COL6A6: variants seen among roughly 807,000 people sequenced by gnomAD.
COL6A6 encodes the protein collagen type VI alpha 6 chain.
A neutral mutation model predicts 208.6 loss-of-function variants in COL6A6; 183 were observed. That is an observed-to-expected ratio of 0.88 (90% CI 0.78 to 0.99). The LOEUF is 0.99. Ranked by LOEUF, COL6A6 falls within the 50% of genes least tolerant of loss-of-function variation. COL6A6 has a pLI of 0.00. For synonymous variants in COL6A6, 973 were observed against 1,011.8 expected (o/e 0.96, Z 0.73); for missense variants, 2,816 against 2,815.2 (o/e 1.00, Z -0.01).
chr3:130,558,834 G>A (rs2062822077), intron 1 of COL6A6, among the ~76,000 whole-genome samples: 1 of 152,194 alleles, frequency 6.6e-6, no homozygotes, highest in African/African-American at 2.4e-5. Context: ...GAAAAAAGAT[G>A]TAGAATGAAG....
At chr3:130,577,104 G>A (rs2063315622) in intron 8 of COL6A6, among the ~76,000 whole-genome samples, 1 of 152,154 alleles carries the variant, frequency 6.6e-6, no homozygotes, top group Non-Finnish European at 1.5e-5. Context: ...TATTTTTTGA[G>A]CATCTACGAA....
At chr3:130,520,031 G>T (rs77933439) in intron 1 of COL6A6, among the ~76,000 whole-genome samples, 2,441 of 152,306 alleles carry the variant, frequency 0.016, 57 homozygotes, top group African/African-American at 0.056. Flanking sequence ...CTGGCATGCT[G>T]CTATCCTGGA....
intron 36 of COL6A6, among the ~76,000 whole-genome samples, chr3:130,672,583 A>G (rs1337267754): frequency 2.0e-5 from 3 of 151,842 alleles, no homozygotes; most frequent in Non-Finnish European, 2.9e-5. Flanking sequence ...TTGTATTTTT[A>G]GCAGAGACAG....
chr3:130,618,326 A>G (rs548466923), intron 23 of COL6A6, among the ~76,000 whole-genome samples: 195 of 152,346 alleles, frequency 1.3e-3, no homozygotes, highest in African/African-American at 4.4e-3. Flanking sequence ...GGGGTTAATA[A>G]CAGGCATCTC....
intron 20 of COL6A6, among the ~76,000 whole-genome samples, chr3:130,604,759 GA>G (rs1355308156): frequency 1.3e-5 from 2 of 152,196 alleles, no homozygotes; most frequent in Admixed American, 1.3e-4. Context: ...GACAAAAGGG[GA>G]AAAAATGTTT....
chr3:130,598,704 A>G (rs1352327522), intron 19 of COL6A6, among the ~76,000 whole-genome samples: 1 of 152,230 alleles, frequency 6.6e-6, no homozygotes, highest in Non-Finnish European at 1.5e-5. Flanking sequence ...TGGAACTCTA[A>G]CTTAAAATAT....
At chr3:130,626,225 A>G (rs1478410573) in intron 24 of COL6A6, among the ~76,000 whole-genome samples, 2 of 152,240 alleles carry the variant, frequency 1.3e-5, no homozygotes, top group Non-Finnish European at 2.9e-5. Context: ...AAAACAGTAT[A>G]GAGCTTTTCT....
At chr3:130,560,542 T>C (rs2062859826) in intron 2 of COL6A6, 114 bp downstream of exon 2, 2 of 872,158 alleles carry the variant, frequency 2.3e-6, no homozygotes, top group Non-Finnish European at 3.5e-6. Flanking sequence ...ATTTTGATGG[T>C]AGTGAGATTA....
chr3:130,616,717 A>G (rs1280988085), intron 23 of COL6A6, among the ~76,000 whole-genome samples: 1 of 152,096 alleles, frequency 6.6e-6, no homozygotes, highest in Non-Finnish European at 1.5e-5. Flanking sequence ...TGGAGTCCGG[A>G]GTAGAATTTC....
chr3:130,645,013 T>C lies in COL6A6; in HGVS notation c.5239+11T>C. 2 of 1,610,814 alleles carry C rather than the reference T, an allele frequency of 1.2e-6. No homozygotes were observed. Among genetic ancestry groups the C allele is most frequent in the South Asian group, 2.2e-5 (2 of 91,038 alleles). On this transcript the variant is annotated intron_variant, in intron 32 of 36. Coordinates refer to ENST00000358511, the MANE Select transcript of COL6A6 (RefSeq NM_001102608.3). ...CAGCTGGCAGGCATGGTGAGTAATC[T>C]TTATTTACAGCATGCTTTAATCAAG... is the stretch of plus-strand genomic sequence containing the variant.
chr3:130,517,122 G>C (rs1291850307), upstream of COL6A6, among the ~76,000 whole-genome samples: 1 of 152,160 alleles, frequency 6.6e-6, no homozygotes, highest in Admixed American at 6.5e-5. Flanking sequence ...GGCGGGGAAG[G>C]GTCGGGCCCG....
intron 4 of COL6A6, among the ~76,000 whole-genome samples, chr3:130,566,294 A>C (rs1250699217): frequency 6.6e-6 from 1 of 152,194 alleles, no homozygotes; most frequent in Non-Finnish European, 1.5e-5. Context: ...GGAGTAAATA[A>C]TTTGCTCAAG....
chr3:130,541,344 A>G (rs1009494715), intron 1 of COL6A6, among the ~76,000 whole-genome samples: 5 of 152,200 alleles, frequency 3.3e-5, no homozygotes, highest in Non-Finnish European at 7.3e-5. Context: ...AGTGCTGAAT[A>G]CTATTCCAAT....
intron 33 of COL6A6, among the ~76,000 whole-genome samples, chr3:130,657,581 A>C (rs767717214): frequency 6.6e-6 from 1 of 152,176 alleles, no homozygotes; most frequent in Non-Finnish European, 1.5e-5. Context: ...TTAAAACAAC[A>C]ACAACAACAA....
intron 24 of COL6A6, among the ~76,000 whole-genome samples, chr3:130,625,796 C>T (rs564279246): frequency 2.6e-4 from 39 of 152,184 alleles, no homozygotes; most frequent in African/African-American, 8.7e-4. Context: ...AGTATTGATT[C>T]GGTTGTGACA....
intron 3 of COL6A6, among the ~76,000 whole-genome samples, chr3:130,563,869 C>A (rs112908215): frequency 6.6e-6 from 1 of 152,212 alleles, no homozygotes; most frequent in African/African-American, 2.4e-5. Context: ...TCATGTTTCA[C>A]TTATCTGTGT....
At chr3:130,672,496 G>A (rs1397284093) in intron 36 of COL6A6, among the ~76,000 whole-genome samples, 7 of 151,158 alleles carry the variant, frequency 4.6e-5, no homozygotes, top group African/African-American at 7.3e-5. Flanking sequence ...TCTGCCTCCC[G>A]GGTTCAAGCG....
intron 1 of COL6A6, among the ~76,000 whole-genome samples, chr3:130,547,280 C>A (rs577089094): frequency 1.8e-4 from 27 of 152,390 alleles, no homozygotes; most frequent in Non-Finnish European, 3.7e-4. Context: ...GACCCAGCGC[C>A]CCCTCTGCAG....
chr3:130,571,254 G>A lies in COL6A6; in HGVS notation c.2838G>A (p.Val946=), dbSNP rs1335228486. 6.2e-7 allele frequency: 1 copy of A among 1,614,066 alleles called. No homozygotes were observed. The highest frequency in any genetic ancestry group is 1.7e-5 in the Admixed American group (1 of 60,028). The change falls in exon 7 of 37, where the codon GTG becomes GTA. Residue 946 remains valine, a synonymous_variant. Coordinates refer to ENST00000358511, the MANE Select transcript of COL6A6 (RefSeq NM_001102608.3). The part of the protein sequence containing the change: ...LRDKGILVLA[V]GIDGANPVEL... Reference sequence around the variant, plus strand: ...ACAAAGGCATTCTTGTCCTGGCTGTGGGGATTGATGGTGCCAATCCCGTGG... The same window carrying A: ...ACAAAGGCATTCTTGTCCTGGCTGTAGGGATTGATGGTGCCAATCCCGTGG...
Sources: allele counts gnomAD v4.1 joint callset (sites outside exome capture counted in the v4.1 genomes callset), GRCh38; gene constraint gnomAD v4.1.1; transcripts MANE v1.5; gene names NCBI Gene and HGNC (gene_info 2026-07-23, HGNC 2026-07-21).